STK39: variants seen among roughly 807,000 people sequenced by gnomAD.
The protein encoded by STK39 is STE20/SPS1-related proline-alanine-rich protein kinase.
In STK39, 20 loss-of-function variants were observed where a neutral mutation model predicts 77.8. The observed-to-expected ratio is 0.26, with a 90% CI of 0.18 to 0.37. STK39 has a LOEUF of 0.37. Among genes scored for constraint, STK39 ranks in the 10% least tolerant of loss-of-function variants. The pLI, the probability that STK39 is intolerant of heterozygous loss-of-function variation, is 1.00. For missense variants in STK39, 479 were observed against 656.5 expected (o/e 0.73, Z 2.95); for synonymous variants, 246 against 234.1 (o/e 1.05, Z -0.47).
At chr2:168,056,564 C>T (rs999488187) in intron 14 of STK39, among the ~76,000 whole-genome samples, 2 of 152,102 alleles carry the variant, frequency 1.3e-5, no homozygotes, top group Admixed American at 6.6e-5. Flanking sequence ...CAGATAGGCT[C>T]GGGGATAAGA....
intron 1 of STK39, among the ~76,000 whole-genome samples, chr2:168,238,556 A>G (rs1017335813): frequency 3.2e-4 from 49 of 152,368 alleles, no homozygotes; most frequent in African/African-American, 1.1e-3. Context: ...TAAAAGGTCA[A>G]TTAATCTCAA....
chr2:168,017,130 G>A lies in STK39; in HGVS notation c.1377-35C>T, dbSNP rs575197522. 1.6e-5 allele frequency: 23 copies of A among 1,463,656 alleles called. No homozygotes were observed. In the South Asian group the frequency reaches 3.0e-4, roughly 19 times the overall value. 90.7% of individuals were successfully genotyped at this position (1,463,656 alleles called of 1,614,324 possible). A position where few individuals can be genotyped will look rare whatever the true frequency, so the allele number is the denominator to read the frequency against. ...ATAACATATAATACATTAAAGTCTA[G>A]GGAAGCAGAGTTTAGTCGAACTACA... On this transcript the variant is annotated intron_variant, in intron 14 of 17. Coordinates refer to ENST00000355999, the MANE Select transcript of STK39 (RefSeq NM_013233.3).
chr2:168,052,183 G>C (rs950568186), intron 14 of STK39, among the ~76,000 whole-genome samples: 1 of 152,110 alleles, frequency 6.6e-6, no homozygotes, highest in African/African-American at 2.4e-5. Context: ...GAATGCTCGC[G>C]CAAGGCCCTT....
At chr2:167,986,151 A>G (rs1028888493) in intron 16 of STK39, among the ~76,000 whole-genome samples, 1 of 152,172 alleles carries the variant, frequency 6.6e-6, no homozygotes, top group African/African-American at 2.4e-5. Flanking sequence ...GACAATCTTA[A>G]ACATACACTT....
intron 5 of STK39, among the ~76,000 whole-genome samples, chr2:168,156,215 A>T (rs535277314): frequency 1.3e-5 from 2 of 152,366 alleles, no homozygotes; most frequent in East Asian, 3.9e-4. Context: ...ATAAGTCATG[A>T]AAAGAAGTTA....
At chr2:168,247,061 T>TTTA (rs1213358903) in intron 1 of STK39, among the ~76,000 whole-genome samples, 167 bp downstream of exon 1, 10 of 89,304 alleles carry the variant, frequency 1.1e-4, no homozygotes, top group Admixed American at 8.3e-4. Context: ...CATTAAAAAT[T>TTTA]AAAAAAAAAA....
At chr2:168,026,569 A>C (rs1258654306) in intron 14 of STK39, among the ~76,000 whole-genome samples, 1 of 152,166 alleles carries the variant, frequency 6.6e-6, no homozygotes, top group African/African-American at 2.4e-5. Flanking sequence ...TGACAACAGA[A>C]CCTGGGACTC....
At chr2:168,026,737 G>A (rs1380778027) in intron 14 of STK39, among the ~76,000 whole-genome samples, 1 of 152,162 alleles carries the variant, frequency 6.6e-6, no homozygotes, top group African/African-American at 2.4e-5. Flanking sequence ...ACTATAGACG[G>A]GAAAGTGTCT....
chr2:168,117,589 G>A (rs897384427), intron 10 of STK39, among the ~76,000 whole-genome samples: 2 of 152,148 alleles, frequency 1.3e-5, no homozygotes, highest in African/African-American at 4.8e-5. Context: ...AACCTCCTGG[G>A]GTGCTGGGAG....
At chr2:168,242,848 G>T (rs976213707) in intron 1 of STK39, among the ~76,000 whole-genome samples, 1 of 149,202 alleles carries the variant, frequency 6.7e-6, no homozygotes, top group Admixed American at 6.7e-5. Context: ...AGGTATGATT[G>T]CACCACTGCA....
chr2:168,052,495 AT>A (rs2105368750), intron 14 of STK39, among the ~76,000 whole-genome samples: 1 of 152,340 alleles, frequency 6.6e-6, no homozygotes, highest in South Asian at 2.1e-4. Context: ...GCAAAGGAGT[AT>A]TTTCTGTATA....
chr2:168,206,632 T>C (rs1389670522), intron 1 of STK39, among the ~76,000 whole-genome samples: 1 of 152,152 alleles, frequency 6.6e-6, no homozygotes, highest in Admixed American at 6.5e-5. Context: ...CTGTGTGACT[T>C]TGGGCAGATC....
intron 4 of STK39, among the ~76,000 whole-genome samples, chr2:168,163,140 T>G (rs1035321186): frequency 7.9e-5 from 12 of 152,224 alleles, no homozygotes; most frequent in African/African-American, 2.9e-4. Flanking sequence ...CAATAATTCC[T>G]AAGAGCCCAA....
intron 1 of STK39, among the ~76,000 whole-genome samples, chr2:168,221,415 G>T (rs1421131165): frequency 1.3e-5 from 2 of 152,096 alleles, no homozygotes; most frequent in Non-Finnish European, 2.9e-5. Context: ...GTTTGTATAG[G>T]CAGCACTAAA....
intron 1 of STK39, among the ~76,000 whole-genome samples, chr2:168,234,581 C>T (rs1690548723): frequency 6.6e-6 from 1 of 152,104 alleles, no homozygotes; most frequent in African/African-American, 2.4e-5. Flanking sequence ...CCTGTTCCTC[C>T]ACCTTACTTT....
rs1362419983 is a variant in STK39, at chr2:168,016,410, A to AAC, written c.1429+632_1429+633insGT. ...TTCAAAAAAAAAAAAAAAAAAAAAA[A>AAC]AAACAACACTACTGAACATGGGTGA... On this transcript the variant is annotated intron_variant, in intron 15 of 17. Transcript: ENST00000355999. Among the ~76,000 whole-genome samples, 8 of 150,442 alleles carry AAC rather than the reference A, an allele frequency of 5.3e-5. No homozygotes were observed. The East Asian group carries it at 1.2e-3, about 22-fold the overall frequency.
intron 16 of STK39, among the ~76,000 whole-genome samples, chr2:168,001,205 T>C (rs1049967098): frequency 6.6e-6 from 1 of 150,984 alleles, no homozygotes; most frequent in Non-Finnish European, 1.5e-5. Flanking sequence ...AAGAACAAAA[T>C]TGGAAAATAT....
intron 12 of STK39, among the ~76,000 whole-genome samples, chr2:168,067,803 G>T (rs77089313): frequency 0.12 from 18,413 of 152,160 alleles, 1,334 homozygotes; most frequent in Admixed American, 0.17. Context: ...TAAACAATTT[G>T]CTATAGGATG....
intron 5 of STK39, among the ~76,000 whole-genome samples, chr2:168,146,368 C>A (rs188291586): frequency 2.0e-5 from 3 of 152,160 alleles, no homozygotes; most frequent in African/African-American, 7.2e-5. Flanking sequence ...TGAAAAGGAA[C>A]CTGAGTTGTG....
Sources: gnomAD v4.1 joint callset for allele counts (sites outside exome capture counted in the v4.1 genomes callset) on GRCh38, gnomAD v4.1.1 for gene constraint, MANE v1.5 for transcripts, NCBI Gene and HGNC (gene_info 2026-07-23, HGNC 2026-07-21) for gene names.